The following NSMF variants were observed in gnomAD, a reference collection of about 807,000 sequenced individuals.
NSMF encodes NMDA receptor synaptonuclear signaling and neuronal migration factor.
A neutral mutation model predicts 71.0 loss-of-function variants in NSMF; 31 were observed. That is an observed-to-expected ratio of 0.44 (90% CI 0.33 to 0.59). The LOEUF is 0.59. Ranked by LOEUF, NSMF falls within the 20% of genes least tolerant of loss-of-function variation. The pLI is 0.04. For missense variants in NSMF, 673 were observed against 740.5 expected, an observed-to-expected ratio of 0.91 and a Z score of 1.06; for synonymous variants, 345 against 287.1, an observed-to-expected ratio of 1.20 and a Z score of -2.04.
chr9:137,450,310 A>G lies in NSMF; in HGVS notation c.1237-55T>C, dbSNP rs368887852. 1,054 of 1,415,850 alleles carry G rather than the reference A, an allele frequency of 7.4e-4. 1 individual carries two copies. The highest frequency in any genetic ancestry group is 1.0e-3 in the Non-Finnish European group (1,013 of 1,002,068). The allele number at this position is 1,415,850 out of a possible 1,614,324, so 87.7% of individuals were successfully genotyped here. On this transcript the variant is annotated intron_variant, in intron 12 of 15. Coordinates refer to ENST00000371475, the MANE Select transcript of NSMF (RefSeq NM_001130969.3). ...CCTCCTTCCTCCCCCTCTCCGACAC[A>G]CATGCACCCACGCACATGCGTGGGA...
chr9:137,457,834 G>C lies in NSMF; in HGVS notation c.201C>G (p.Asn67Lys). The C allele has an allele frequency of 6.4e-7, 1 of 1,555,072 alleles. No individual in the cohort carries two copies. The highest frequency in any genetic ancestry group is 8.7e-7 in the Non-Finnish European group (1 of 1,149,770). Residue 67 changes from asparagine (N) to lysine (K), a missense_variant, in exon 3 of 16, where the codon AAC becomes AAG. Asn to Lys is a moderately conservative substitution (Grantham distance 94, BLOSUM62 0). Around this residue, in one of 2 missense-constraint regions of NSMF, gnomAD observed 471 missense variants for 459.6 expected, o/e 1.02. Transcript: ENST00000371475. ...GSPEMQPAPQ[N>K]KRRLSLVSNG... ...TGGAGACGAGGGACAGGCGGCGCTT[G>C]TTCTGGGGGGCCGGCTGCATCTCGG...
intron 1 of NSMF, 110 bp from the exon 2 acceptor site, chr9:137,458,659 G>A: frequency 9.3e-7 from 1 of 1,081,012 alleles, no homozygotes; most frequent in Middle Eastern, 2.3e-4. Flanking sequence ...GCGTCTGGAA[G>A]GAGGGTCGGG....
At chr9:137,455,712 C>A in intron 4 of NSMF, 78 bp from the exon 5 acceptor site, 4 of 1,488,954 alleles carry the variant, frequency 2.7e-6, no homozygotes, top group Non-Finnish European at 3.7e-6. Flanking sequence ...TCAGCCCCCA[C>A]CCGGTCCCTA....
rs1041263147 is a variant in NSMF at position 137,448,888 on chromosome 9, G to C, written c.*506C>G. 1 of 231,892 alleles carries C rather than the reference G, an allele frequency of 4.3e-6. No homozygotes were observed. The highest frequency in any genetic ancestry group is 8.5e-6 in the Non-Finnish European group (1 of 116,990). 14.4% of individuals were successfully genotyped at this position (231,892 alleles called of 1,614,324 possible). On this transcript the variant is annotated 3_prime_UTR_variant, in exon 16 of 16. Transcript: ENST00000371475. The surrounding 1 kb of genome is among the most constrained non-coding windows in gnomAD (Gnocchi z 5.3). The stretch of plus-strand genomic sequence containing the variant: ...GGCAGCCCGGCGACGCTGGCCCCAC[G>C]CACACGGGCCACCCTGGTGCTGGTG...
intron 2 of NSMF, 136 bp from the exon 3 acceptor site, chr9:137,458,037 C>T (rs574858199): frequency 2.3e-6 from 3 of 1,286,406 alleles, no homozygotes; most frequent in Non-Finnish European, 3.2e-6. Flanking sequence ...ACCCTAGTCA[C>T]TGGCGTGTTT....
chr9:137,448,554 C>G lies in NSMF; in HGVS notation c.*840G>C, dbSNP rs1274089404. 1 of 152,270 alleles carries G rather than the reference C, an allele frequency of 6.6e-6. No individual in the cohort carries two copies. Among genetic ancestry groups the G allele is most frequent in the Non-Finnish European group, 1.5e-5 (1 of 68,090 alleles). The allele number at this position is 152,270 out of a possible 1,614,324, so 9.4% of individuals were successfully genotyped here. ...AGCTGGGCCCCTGCCAAGCCCCAGG[C>G]CTGTGTGCTGGGATGGAGCCTCCAC... On this transcript the variant is annotated 3_prime_UTR_variant, in exon 16 of 16. Transcript: ENST00000371475. This position sits in a 1 kb window ranked among gnomAD's most constrained non-coding sequence, Gnocchi z 5.3.
intron 12 of NSMF, among the ~76,000 whole-genome samples, chr9:137,450,676 T>C (rs370016653): frequency 2.3e-3 from 30 of 12,884 alleles, no homozygotes; most frequent in Admixed American, 4.3e-3. Flanking sequence ...TCCCTTTGAT[T>C]TCCCCCACCA....
intron 3 of NSMF, 146 bp downstream of exon 3, chr9:137,457,261 C>T: frequency 8.4e-7 from 1 of 1,194,144 alleles, no homozygotes; most frequent in Middle Eastern, 2.2e-4. Flanking sequence ...GCAGCAGAAG[C>T]CTGCCGGTTT....
In NSMF at chr9:137,449,107, C is replaced by T; in HGVS notation, c.*287G>A. Reference sequence around the variant, plus strand: ...TTCTATGAACCCCATGGAGGGATGCCCACAGCTGAGCCTCCAGGCGAGGCA... The same window carrying T: ...TTCTATGAACCCCATGGAGGGATGCTCACAGCTGAGCCTCCAGGCGAGGCA... On this transcript the variant is annotated 3_prime_UTR_variant, in exon 16 of 16. Transcript: ENST00000371475. 3.5e-6 allele frequency: 2 copies of T among 563,764 alleles called. No homozygotes were observed. The highest frequency in any genetic ancestry group is 3.0e-5 in the East Asian group (1 of 33,314). The allele number at this position is 563,764 out of a possible 1,614,324, so 34.9% of individuals were successfully genotyped here. A position where few individuals can be genotyped will look rare whatever the true frequency, so the allele number is the denominator to read the frequency against.
chr9:137,449,579 G>A lies in NSMF; in HGVS notation c.1495+20C>T. 1 of 1,611,720 alleles carries A rather than the reference G, an allele frequency of 6.2e-7. No homozygotes were observed. The highest frequency in any genetic ancestry group is 8.5e-7 in the Non-Finnish European group (1 of 1,179,326). ...GCCCCGCAGTGGCTGCAGAGCTTCG[G>A]CCCAGCCTGGGTAACTCACCTTGGG... On this transcript the variant is annotated intron_variant, in intron 15 of 15. Coordinates refer to ENST00000371475, the MANE Select transcript of NSMF (RefSeq NM_001130969.3).
At chr9:137,454,506 T>C (rs563672955) in intron 6 of NSMF, 63 bp from the exon 7 acceptor site, 1 of 1,549,296 alleles carries the variant, frequency 6.5e-7, no homozygotes, top group East Asian at 2.4e-5. Context: ...CCTGCCCACC[T>C]AGCCCCCGTC....
rs780056337 is a variant in NSMF at position 137,449,378 on chromosome 9, C to T, written c.*16G>A. 17 of 1,606,392 alleles carry T rather than the reference C, an allele frequency of 1.1e-5. No homozygotes were observed. The highest frequency in any genetic ancestry group is 1.4e-5 in the Non-Finnish European group (16 of 1,174,636). On this transcript the variant is annotated 3_prime_UTR_variant, in exon 16 of 16. Coordinates refer to ENST00000371475, the MANE Select transcript of NSMF (RefSeq NM_001130969.3). ...AGGGAGTGGCCTGATGGTGACTGGG[C>T]GGAGGCCTCTGCCCCTCACAGGACG...
Position 137,458,518 on chromosome 9 carries a change from G to T in NSMF, c.103C>A (p.Gln35Lys). The T allele has an allele frequency of 6.3e-7, 1 of 1,598,888 alleles. No individual in the cohort carries two copies. The highest frequency in any genetic ancestry group is 2.3e-5 in the East Asian group (1 of 43,894). ...AARAFGEYLS[Q>K]SHPENRNGAD... ...CCGTTGCGGTTCTCAGGGTGACTCT[G>T]GGACAGGTACTCTCCAAACGCTCGG... The change falls in exon 2 of 16, where the codon CAG becomes AAG. Residue 35 changes from glutamine to lysine, a missense_variant. By Grantham distance (53) the Gln-to-Lys change is moderately conservative. This residue lies in a region of NSMF where 471 missense variants were observed against 459.6 expected (regional missense o/e 1.02). Transcript: ENST00000371475.
In NSMF at chr9:137,455,344, G is replaced by A. The variant is rs376723055; in HGVS notation, c.711-37C>T. 798 of 1,605,076 alleles carry A rather than the reference G, an allele frequency of 5.0e-4. 2 individuals are homozygous for A. The highest frequency in any genetic ancestry group is 6.3e-4 in the Non-Finnish European group (739 of 1,173,306). On this transcript the variant is annotated intron_variant, in intron 5 of 15. Coordinates refer to ENST00000371475, the MANE Select transcript of NSMF (RefSeq NM_001130969.3). ...CCGCGAGTCAGCACTGCCCTTGGCCGGAGGCAGGAGGGACACAGACGTCGG... is the reference window on the plus strand; with the variant it reads ...CCGCGAGTCAGCACTGCCCTTGGCCAGAGGCAGGAGGGACACAGACGTCGG...
chr9:137,449,775 C>T, intron 14 of NSMF, 101 bp from the exon 15 acceptor site: 2 of 1,332,156 alleles, frequency 1.5e-6, no homozygotes, highest in South Asian at 2.4e-5. Flanking sequence ...TCAGACCCCC[C>T]AAACCTGGCT....
At chr9:137,457,155 A>C (rs1830875371) in intron 3 of NSMF, among the ~76,000 whole-genome samples, 2 of 152,122 alleles carry the variant, frequency 1.3e-5, no homozygotes. Flanking sequence ...GCACTCCTTG[A>C]TTGACCTGGT....
Position 137,459,017 on chromosome 9 carries a change from C to A in NSMF, c.71+15G>T. 1.6e-6 allele frequency: 2 copies of A among 1,272,922 alleles called. No homozygotes were observed. The highest frequency in any genetic ancestry group is 3.2e-5 in the East Asian group (1 of 30,968). 78.9% of individuals were successfully genotyped at this position (1,272,922 alleles called of 1,614,324 possible). A position where few individuals can be genotyped will look rare whatever the true frequency, so the allele number is the denominator to read the frequency against. Reference sequence around the variant, plus strand: ...TCCAGGGCGGGGTGCGGGAAGGCGGCCCCGCCGCACTCACCGCACTTTGGC... The same window carrying A: ...TCCAGGGCGGGGTGCGGGAAGGCGGACCCGCCGCACTCACCGCACTTTGGC... On this transcript the variant is annotated intron_variant, in intron 1 of 15. Transcript: ENST00000371475.
chr9:137,458,683 G>T (rs1009681285), intron 1 of NSMF, 134 bp from the exon 2 acceptor site: 2 of 874,604 alleles, frequency 2.3e-6, no homozygotes, highest in Non-Finnish European at 3.7e-6. Flanking sequence ...GTCCCCCTCC[G>T]GGAGCCCACA....
At chr9:137,454,689 G>A (rs1214233439) in intron 6 of NSMF, 14 of 1,520,466 alleles carry the variant, frequency 9.2e-6, no homozygotes, top group Non-Finnish European at 1.2e-5. Context: ...TCTGGATCAA[G>A]TCTCCTCCCG....
Sources: gnomAD v4.1 joint callset for allele counts (sites outside exome capture counted in the v4.1 genomes callset) on GRCh38, gnomAD v4.1.1 for gene constraint, gnomAD v4.1.1 regional missense constraint, Gnocchi (gnomAD v3.1) non-coding constraint, MANE v1.5 for transcripts, NCBI Gene and HGNC (gene_info 2026-07-23, HGNC 2026-07-21) for gene names.